Variants in TMEM132D observed in about 807,000 individuals in gnomAD.
TMEM132D encodes mature OL transmembrane protein.
Under a neutral mutation model 62.3 loss-of-function variants are expected in TMEM132D, and 21 were observed. The observed-to-expected ratio is 0.34, with a 90% CI of 0.24 to 0.49. The LOEUF is 0.49. Ranked by LOEUF, TMEM132D falls within the 20% of genes least tolerant of loss-of-function variation. The pLI is 0.99. For missense variants in TMEM132D, 1,346 were observed against 1,402.8 expected, an observed-to-expected ratio of 0.96 and a Z score of 0.65; for synonymous variants, 621 against 575.6, an observed-to-expected ratio of 1.08 and a Z score of -1.13.
intron 5 of TMEM132D, among the ~76,000 whole-genome samples, chr12:129,114,394 T>TCCTTCCCTCCTTCCTTCCTTCCC (rs1875821042): frequency 2.1e-5 from 3 of 146,286 alleles, no homozygotes; most frequent in African/African-American, 8.1e-5. Flanking sequence ...AACTCCTTCC[T>TCCTTCCCTCCTTCCTTCCTTCCC]TCCTTCCCTC....
At chr12:129,748,524 AG>A (rs1869890711) in intron 1 of TMEM132D, among the ~76,000 whole-genome samples, 1 of 152,200 alleles carries the variant, frequency 6.6e-6, no homozygotes, top group South Asian at 2.1e-4. Flanking sequence ...GAAGAGAAGC[AG>A]GGCTCATAGA....
At chr12:129,446,903 A>G (rs542944980) in intron 3 of TMEM132D, among the ~76,000 whole-genome samples, 39 of 152,344 alleles carry the variant, frequency 2.6e-4, no homozygotes, top group Middle Eastern at 6.8e-3. Context: ...TGTCTTTAGG[A>G]AATAAATGCT....
intron 4 of TMEM132D, among the ~76,000 whole-genome samples, chr12:129,307,062 ATTTT>A (rs3045974): frequency 6.7e-6 from 1 of 149,418 alleles, no homozygotes; most frequent in East Asian, 2.0e-4. Flanking sequence ...CAATAGACTG[ATTTT>A]TTTTTTTTTG....
intron 3 of TMEM132D, among the ~76,000 whole-genome samples, chr12:129,453,681 A>G (rs888948466): frequency 5.9e-5 from 9 of 152,166 alleles, no homozygotes; most frequent in African/African-American, 1.9e-4. Flanking sequence ...CTCCACCTTC[A>G]GTGAACTTGG....
chr12:129,816,784 G>A (rs1305000991), intron 1 of TMEM132D, among the ~76,000 whole-genome samples: 1 of 152,196 alleles, frequency 6.6e-6, no homozygotes, highest in Non-Finnish European at 1.5e-5. Flanking sequence ...TCACTGATAT[G>A]AGGACTTTGA....
chr12:129,565,889 T>G (rs1877354486), intron 2 of TMEM132D, among the ~76,000 whole-genome samples: 1 of 152,244 alleles, frequency 6.6e-6, no homozygotes, highest in African/African-American at 2.4e-5. Context: ...ACACTCACAA[T>G]GTGAGAAGTG....
chr12:129,335,193 A>G (rs114192787), intron 4 of TMEM132D, among the ~76,000 whole-genome samples: 2,477 of 126,222 alleles, frequency 0.02, 63 homozygotes, highest in African/African-American at 0.072. Flanking sequence ...GTGCTGTGGT[A>G]CGTTCTTGGC....
At chr12:129,544,118 C>T (rs911098662) in intron 2 of TMEM132D, among the ~76,000 whole-genome samples, 1 of 152,194 alleles carries the variant, frequency 6.6e-6, no homozygotes, top group Non-Finnish European at 1.5e-5. Flanking sequence ...TCTTAAAGTC[C>T]TTGTTTTCTT....
chr12:129,454,712 G>T (rs4759574), intron 3 of TMEM132D, among the ~76,000 whole-genome samples: 1 of 152,110 alleles, frequency 6.6e-6, no homozygotes, highest in South Asian at 2.1e-4. Context: ...CAAGGACAGC[G>T]GGGTCTACAA....
At chr12:129,082,071 T>C (rs2135617022) in intron 6 of TMEM132D, 39 bp from the exon 7 acceptor site, 1 of 1,565,554 alleles carries the variant, frequency 6.4e-7, no homozygotes, top group Non-Finnish European at 8.7e-7. Context: ...CAGTTACTTG[T>C]TGGTCCTCTG....
At chr12:129,384,641 C>T (rs1287368859) in intron 3 of TMEM132D, among the ~76,000 whole-genome samples, 1 of 152,072 alleles carries the variant, frequency 6.6e-6, no homozygotes, top group Admixed American at 6.6e-5. Context: ...CCTGGCTACT[C>T]CAAGTGTGGT....
chr12:129,607,340 C>T (rs571014214), intron 2 of TMEM132D, among the ~76,000 whole-genome samples: 2 of 152,292 alleles, frequency 1.3e-5, no homozygotes, highest in African/African-American at 4.8e-5. Context: ...AACCTGCGAT[C>T]GCATGCACAG....
chr12:129,251,660 A>G (rs563409077), intron 4 of TMEM132D, among the ~76,000 whole-genome samples: 5 of 152,204 alleles, frequency 3.3e-5, no homozygotes, highest in Non-Finnish European at 7.3e-5. Flanking sequence ...GCTCTCAATT[A>G]ACTCCATGCT....
At chr12:129,889,656 T>G (rs2137392876) in intron 1 of TMEM132D, among the ~76,000 whole-genome samples, 1 of 152,344 alleles carries the variant, frequency 6.6e-6, no homozygotes, top group Non-Finnish European at 1.5e-5. Context: ...TATCTTATAG[T>G]TTGCTTCAGA....
chr12:129,817,687 GT>G (rs1436495019), intron 1 of TMEM132D, among the ~76,000 whole-genome samples: 1 of 148,868 alleles, frequency 6.7e-6, no homozygotes, highest in African/African-American at 2.5e-5. Context: ...TGGGGGGTGT[GT>G]ATGTGTGTGT....
intron 5 of TMEM132D, among the ~76,000 whole-genome samples, chr12:129,096,948 C>T (rs1342212466): frequency 1.4e-5 from 1 of 72,258 alleles, no homozygotes; most frequent in Non-Finnish European, 2.4e-5. Context: ...TCTTTGTCCT[C>T]AAAACCGTCC....
At position 129,336,212 on chromosome 12, in the gene TMEM132D, C is replaced by T. The variant is rs543261273; in HGVS notation, c.1299+1422G>A. The stretch of plus-strand genomic sequence containing the variant: ...TGTTGCTCTCAGCCAAATGCAATTC[C>T]TAATTGGTACACATGTCAAGGGGGT... On this transcript the variant is annotated intron_variant, in intron 4 of 8. Coordinates refer to ENST00000422113, the MANE Select transcript of TMEM132D (RefSeq NM_133448.3). 3.3e-5 allele frequency among the ~76,000 whole-genome samples: 5 copies of T among 152,292 alleles called. No individual in the cohort carries two copies. The East Asian group carries it at 9.7e-4, about 29-fold the overall frequency.
chr12:129,114,799 C>T (rs528933419), intron 5 of TMEM132D, among the ~76,000 whole-genome samples: 2 of 152,160 alleles, frequency 1.3e-5, no homozygotes, highest in Non-Finnish European at 2.9e-5. Flanking sequence ...TTCCTAGTTC[C>T]TTTTACTTAA....
At chr12:129,551,038 C>T (rs1435871204) in intron 2 of TMEM132D, among the ~76,000 whole-genome samples, 2 of 152,340 alleles carry the variant, frequency 1.3e-5, no homozygotes, top group Non-Finnish European at 2.9e-5. Flanking sequence ...CAAAGTAGTG[C>T]CATGAACCAG....
Sources: gnomAD v4.1 joint callset for allele counts (sites outside exome capture counted in the v4.1 genomes callset) on GRCh38, gnomAD v4.1.1 for gene constraint, MANE v1.5 for transcripts, NCBI Gene and HGNC (gene_info 2026-07-23, HGNC 2026-07-21) for gene names.